TRAT1: variants seen among roughly 807,000 people sequenced by gnomAD.
TRAT1 encodes the protein T cell receptor associated transmembrane adaptor 1.
TRAT1 carries 20 observed loss-of-function variants against 20.0 expected under a neutral mutation model. The observed-to-expected ratio is 1.00, with a 90% confidence interval of 0.70 to 1.45. TRAT1 has a LOEUF of 1.45. Among genes scored for constraint, TRAT1 ranks in the 40% most tolerant of loss-of-function variants. TRAT1 has a pLI of 0.00. For missense variants in TRAT1, 237 were observed against 224.1 expected, an observed-to-expected ratio of 1.06 and a Z score of -0.37; for synonymous variants, 77 against 74.2, an observed-to-expected ratio of 1.04 and a Z score of -0.20.
rs144665657 is a variant in TRAT1 at position 108,847,098 on chromosome 3, A to T, written c.183A>T (p.Pro61=). Residue 61 remains proline, a synonymous_variant, in exon 4 of 6, where the codon CCA becomes CCT. Coordinates refer to ENST00000295756, the MANE Select transcript of TRAT1 (RefSeq NM_016388.4). The stretch of plus-strand genomic sequence containing the variant: ...ATGAGTATTATATTGAAGACACACC[A>T]ATTTATGGTAACTTAGATGATATGA... ...RVDEYYIEDT[P]IYGNLDDMIS... 4.1e-5 allele frequency: 64 copies of T among 1,544,472 alleles called. No individual in the cohort carries two copies. Among genetic ancestry groups the T allele is most frequent in the Non-Finnish European group, 5.4e-5 (61 of 1,126,206 alleles).
At chr3:108,824,575 G>C (rs1033242884) in intron 1 of TRAT1, among the ~76,000 whole-genome samples, 1 of 152,116 alleles carries the variant, frequency 6.6e-6, no homozygotes, top group African/African-American at 2.4e-5. Flanking sequence ...ATACCAATTT[G>C]TATAGGCCAG....
chr3:108,841,430 G>A (rs1320067636), intron 3 of TRAT1, among the ~76,000 whole-genome samples: 2 of 152,080 alleles, frequency 1.3e-5, no homozygotes, highest in African/African-American at 2.4e-5. Context: ...AAACAAACCA[G>A]TAAGCGAACT....
At chr3:108,846,857 C>T (rs946567037) in intron 3 of TRAT1, among the ~76,000 whole-genome samples, 4 of 152,114 alleles carry the variant, frequency 2.6e-5, no homozygotes, top group African/African-American at 7.2e-5. Context: ...GATCCAAAAA[C>T]CAACTTTTTA....
chr3:108,838,308 A>G (rs1380025838), intron 2 of TRAT1, among the ~76,000 whole-genome samples: 1 of 148,756 alleles, frequency 6.7e-6, no homozygotes. Flanking sequence ...CATGCCAAGA[A>G]ATGTTAAAAG....
intron 2 of TRAT1, among the ~76,000 whole-genome samples, chr3:108,834,492 C>T (rs948874377): frequency 6.6e-6 from 1 of 152,200 alleles, no homozygotes; most frequent in African/African-American, 2.4e-5. Context: ...CAGAACTGCT[C>T]TGCAAACAGT....
At position 108,838,357 on chromosome 3, in the gene TRAT1, GATAGATAGATA is replaced by G. The variant is rs1254260279; in HGVS notation, c.119-576_119-566del. ...AGATAGATGATAGATATAGATAGAT[GATAGATAGATA>G]GATAGATAGATAGATAGATAGATAG... On this transcript the variant is annotated intron_variant, in intron 2 of 5. Transcript: ENST00000295756. Among the ~76,000 whole-genome samples, 12 of 8,376 alleles carry G rather than the reference GATAGATAGATA, an allele frequency of 1.4e-3. No individual in the cohort carries two copies. The African/African-American group carries it at 0.016, about 11-fold the overall frequency. The allele number at this position is 8,376 out of a possible 152,430, so 5.5% of individuals were successfully genotyped here.
chr3:108,829,488 A>G (rs1576517919), intron 1 of TRAT1, among the ~76,000 whole-genome samples: 1 of 151,856 alleles, frequency 6.6e-6, no homozygotes, highest in Non-Finnish European at 1.5e-5. Flanking sequence ...GGAGGCTGAG[A>G]CAGCAGAATT....
At chr3:108,847,856 C>A (rs1945961545) in intron 4 of TRAT1, among the ~76,000 whole-genome samples, 1 of 152,196 alleles carries the variant, frequency 6.6e-6, no homozygotes, top group Non-Finnish European at 1.5e-5. Context: ...AAGTTTTGAA[C>A]ACAGAGACAT....
chr3:108,834,677 T>G (rs1945823448), intron 2 of TRAT1, among the ~76,000 whole-genome samples: 1 of 152,386 alleles, frequency 6.6e-6, no homozygotes, highest in South Asian at 2.1e-4. Context: ...TTTTTGTTAC[T>G]CTTTGTGGCT....
In TRAT1 at chr3:108,837,733, T is replaced by G. The variant is rs565295527; in HGVS notation, c.119-1201T>G. 8.9e-4 allele frequency among the ~76,000 whole-genome samples: 135 copies of G among 152,300 alleles called. No homozygotes were observed. In the Middle Eastern group the frequency reaches 0.01, roughly 12 times the overall value. On this transcript the variant is annotated intron_variant, in intron 2 of 5. Transcript: ENST00000295756. ...TTTTATTTAATGCCAGGTTGAAAAATAAGCCATTCAAATATAATAAACATT... is the reference window on the plus strand; with the variant it reads ...TTTTATTTAATGCCAGGTTGAAAAAGAAGCCATTCAAATATAATAAACATT...
At chr3:108,838,200 T>C (rs1945855964) in intron 2 of TRAT1, among the ~76,000 whole-genome samples, 1 of 152,216 alleles carries the variant, frequency 6.6e-6, no homozygotes, top group South Asian at 2.1e-4. Context: ...CTCTTCTTCC[T>C]AGCACACTCA....
intron 5 of TRAT1, among the ~76,000 whole-genome samples, chr3:108,851,467 C>T (rs973865596): frequency 2.0e-5 from 3 of 152,098 alleles, no homozygotes; most frequent in Non-Finnish European, 4.4e-5. Flanking sequence ...CAGAAGCATC[C>T]TCTCTCCTTT....
At chr3:108,830,936 G>C (rs1340588584) in intron 2 of TRAT1, among the ~76,000 whole-genome samples, 156 bp downstream of exon 2, 1 of 152,152 alleles carries the variant, frequency 6.6e-6, no homozygotes, top group African/African-American at 2.4e-5. Flanking sequence ...CGCCCAAAGG[G>C]TTCTCTTATT....
chr3:108,838,864 C>A (rs1199678617), intron 2 of TRAT1, 70 bp from the exon 3 acceptor site: 4 of 1,223,998 alleles, frequency 3.3e-6, no homozygotes, highest in East Asian at 2.3e-5. Flanking sequence ...CCCCTCAGAA[C>A]ACACTTTAGA....
chr3:108,852,851 G>A (rs1414276844), intron 5 of TRAT1, among the ~76,000 whole-genome samples: 1 of 152,234 alleles, frequency 6.6e-6, no homozygotes, highest in Non-Finnish European at 1.5e-5. Flanking sequence ...GCAGAGCTGG[G>A]ATTCAGTCGT....
Position 108,847,108 on chromosome 3 carries a change from A to T in TRAT1, c.193A>T (p.Asn65Tyr), listed in dbSNP as rs1454296190. 1 of 1,545,266 alleles carries T rather than the reference A, an allele frequency of 6.5e-7. No individual in the cohort carries two copies. The highest frequency in any genetic ancestry group is 8.9e-7 in the Non-Finnish European group (1 of 1,126,926). ...TATTGAAGACACACCAATTTATGGTAACTTAGATGATATGATTTCAGGTAA... is the reference window on the plus strand; with the variant it reads ...TATTGAAGACACACCAATTTATGGTTACTTAGATGATATGATTTCAGGTAA... ...YYIEDTPIYG[N>Y]LDDMISEPMD... The change falls in exon 4 of 6, where the codon AAC (asparagine) becomes TAC (tyrosine). Residue 65 changes from asparagine to tyrosine, a missense_variant. Asn to Tyr is a moderately radical substitution (Grantham distance 143, BLOSUM62 -2). Transcript: ENST00000295756.
intron 3 of TRAT1, among the ~76,000 whole-genome samples, chr3:108,844,464 G>A (rs1215141792): frequency 0.024 from 3,611 of 150,838 alleles, 135 homozygotes; most frequent in African/African-American, 0.08. Flanking sequence ...AATGGACTTT[G>A]ATCACAAACT....
intron 3 of TRAT1, among the ~76,000 whole-genome samples, chr3:108,844,127 C>A (rs1390516432): frequency 1.3e-5 from 2 of 152,114 alleles, no homozygotes; most frequent in African/African-American, 4.8e-5. Context: ...ACTTCTCAGG[C>A]CCTTAAAATA....
At chr3:108,841,035 A>C (rs143261914) in intron 3 of TRAT1, among the ~76,000 whole-genome samples, 1 of 152,258 alleles carries the variant, frequency 6.6e-6, no homozygotes, top group Non-Finnish European at 1.5e-5. Context: ...GACTAGAATA[A>C]AACCTAGGCT....
Sources: gnomAD v4.1 joint callset for allele counts (sites outside exome capture counted in the v4.1 genomes callset) on GRCh38, gnomAD v4.1.1 for gene constraint, MANE v1.5 for transcripts, NCBI Gene and HGNC (gene_info 2026-07-23, HGNC 2026-07-21) for gene names.